NAA15: variants seen among roughly 807,000 people sequenced by gnomAD.
The protein encoded by NAA15 is N-terminal acetyltransferase.
A neutral mutation model predicts 114.0 loss-of-function variants in NAA15; 34 were observed. The ratio of observed to expected loss-of-function variants is 0.30; its 90% CI spans 0.23 to 0.40. The LOEUF is 0.40. Ranked by LOEUF, NAA15 falls within the 10% of genes least tolerant of loss-of-function variation. The pLI, the probability that NAA15 is intolerant of heterozygous loss-of-function variation, is 1.00. For synonymous variants in NAA15, 340 were observed against 338.0 expected (o/e 1.01, Z -0.06); for missense variants, 658 against 1,004.5 (o/e 0.66, Z 4.66).
At chr4:139,357,728 C>T (rs1748001592) in intron 11 of NAA15, among the ~76,000 whole-genome samples, 173 bp downstream of exon 11, 1 of 152,128 alleles carries the variant, frequency 6.6e-6, no homozygotes, top group Non-Finnish European at 1.5e-5. Context: ...TGTGGTCATG[C>T]TAATTTGGTG....
At chr4:139,364,055 T>C (rs896866619) in intron 14 of NAA15, among the ~76,000 whole-genome samples, 3 of 152,180 alleles carry the variant, frequency 2.0e-5, no homozygotes, top group African/African-American at 4.8e-5. Context: ...TAATTTATTT[T>C]TGTAGAGACA....
intron 13 of NAA15, among the ~76,000 whole-genome samples, chr4:139,361,087 C>T (rs907759368): frequency 6.6e-6 from 1 of 152,130 alleles, no homozygotes; most frequent in African/African-American, 2.4e-5. Flanking sequence ...TAATTCTCTT[C>T]ACGTCTGACT....
At chr4:139,378,101 A>T (rs978583678) in intron 16 of NAA15, among the ~76,000 whole-genome samples, 3 of 152,162 alleles carry the variant, frequency 2.0e-5, no homozygotes, top group Admixed American at 2.0e-4. Context: ...TTGAACTTTG[A>T]CATTGGGAAA....
At chr4:139,342,559 C>T (rs540383278) in intron 4 of NAA15, among the ~76,000 whole-genome samples, 8 of 148,434 alleles carry the variant, frequency 5.4e-5, no homozygotes, top group Admixed American at 1.3e-4. Flanking sequence ...AAGTGATTCT[C>T]CCGCCTCAGC....
At position 139,308,812 on chromosome 4, in the gene NAA15, C is replaced by T. The variant is rs148150698; in HGVS notation, c.54+6981C>T. Among the ~76,000 whole-genome samples, 1,061 of 152,052 alleles carry T rather than the reference C, an allele frequency of 7.0e-3. 12 individuals are homozygous for T. The highest frequency in any genetic ancestry group is 0.019 in the African/African-American group (786 of 41,524). ...TATATTTTTAGTACAGACAGGGTTT[C>T]GCCATGTTGGCGAGGCTGGTCTCAG... On this transcript the variant is annotated intron_variant, in intron 1 of 19. Transcript: ENST00000296543.
rs1749043364 is a variant in NAA15, at chr4:139,390,936, G to A, written c.*2852G>A. 3.3e-5 allele frequency: 5 copies of A among 152,188 alleles called. No homozygotes were observed. In the South Asian group the frequency reaches 1.0e-3, roughly 32 times the overall value. The allele number at this position is 152,188 out of a possible 1,614,324, so 9.4% of individuals were successfully genotyped here. On this transcript the variant is annotated 3_prime_UTR_variant, in exon 20 of 20. Coordinates refer to ENST00000296543, the MANE Select transcript of NAA15 (RefSeq NM_057175.5). ...TGACTTTATGAAGAGATCAAAAAAA[G>A]TGTGGTCCAGATTCAGGTAGGTTGT...
At position 139,359,736 on chromosome 4, in the gene NAA15, T is replaced by G; in HGVS notation, c.1258-7T>G. 6.3e-7 allele frequency: 1 copy of G among 1,599,294 alleles called. No individual in the cohort carries two copies. The highest frequency in any genetic ancestry group is 8.5e-7 in the Non-Finnish European group (1 of 1,176,652). ...AACTGGTTTATTTTGCTTTTGTACCTTATAAGCATGCTGGAAATATTAAAG... is the reference window on the plus strand; with the variant it reads ...AACTGGTTTATTTTGCTTTTGTACCGTATAAGCATGCTGGAAATATTAAAG... On this transcript the variant is annotated splice_polypyrimidine_tract_variant and splice_region_variant and intron_variant, in intron 11 of 19. Transcript: ENST00000296543.
intron 1 of NAA15, 107 bp from the exon 2 acceptor site, chr4:139,334,067 T>C (rs1747118631): frequency 1.4e-6 from 1 of 694,054 alleles, no homozygotes; most frequent in East Asian, 2.9e-5. Context: ...TAGAAGCATA[T>C]GGAAATAGCA....
intron 1 of NAA15, among the ~76,000 whole-genome samples, chr4:139,314,844 A>G (rs2110844692): frequency 6.6e-6 from 1 of 151,764 alleles, no homozygotes; most frequent in East Asian, 1.9e-4. Context: ...TGCCCAGCAA[A>G]TTTTTGTATT....
At chr4:139,359,983 C>T in intron 12 of NAA15, 88 bp downstream of exon 12, 2 of 1,321,356 alleles carry the variant, frequency 1.5e-6, no homozygotes, top group East Asian at 2.7e-5. Context: ...CAAAGTTTGT[C>T]TTTAATATTT....
chr4:139,304,642 T>A (rs888033472), intron 1 of NAA15, among the ~76,000 whole-genome samples: 16 of 152,168 alleles, frequency 1.1e-4, no homozygotes, highest in Non-Finnish European at 1.0e-4. Context: ...AAAATTTGTA[T>A]TTTTTATTGT....
chr4:139,316,180 C>T (rs1175823800), intron 1 of NAA15, among the ~76,000 whole-genome samples: 3 of 151,726 alleles, frequency 2.0e-5, no homozygotes, highest in Admixed American at 6.6e-5. Flanking sequence ...CTCAGGAATG[C>T]TTGTGAAACA....
intron 1 of NAA15, among the ~76,000 whole-genome samples, chr4:139,305,536 GTTGT>G (rs1745982884): frequency 7.0e-6 from 1 of 141,858 alleles, no homozygotes; most frequent in African/African-American, 2.8e-5. Flanking sequence ...TTGGTAACTT[GTTGT>G]TTTTTTTTTT....
chr4:139,356,899 T>C (rs952700866), intron 10 of NAA15, among the ~76,000 whole-genome samples: 5 of 146,626 alleles, frequency 3.4e-5, no homozygotes, highest in African/African-American at 1.3e-4. Flanking sequence ...ATTAAGAATA[T>C]AATCACCAAA....
rs1216817845 is a variant in NAA15 at position 139,380,090 on chromosome 4, CTT to C, written c.2155+1237_2155+1238del. Among the ~76,000 whole-genome samples, 6 of 152,280 alleles carry C rather than the reference CTT, an allele frequency of 3.9e-5. No homozygotes were observed. In the East Asian group the frequency reaches 1.2e-3, roughly 29 times the overall value. ...GTTTTGACTTTCCAGAAAGATTAGACTTAAATTATACTACGCTTGTCCAAAAA... is the reference window on the plus strand; with the variant it reads ...GTTTTGACTTTCCAGAAAGATTAGACAAATTATACTACGCTTGTCCAAAAA... On this transcript the variant is annotated intron_variant, in intron 17 of 19. Coordinates refer to ENST00000296543, the MANE Select transcript of NAA15 (RefSeq NM_057175.5).
At chr4:139,360,000 C>A in intron 12 of NAA15, 105 bp downstream of exon 12, 2 of 1,005,418 alleles carry the variant, frequency 2.0e-6, no homozygotes, top group Non-Finnish European at 2.8e-6. Context: ...ATTTTTGACA[C>A]CGTAATAGCC....
intron 3 of NAA15, among the ~76,000 whole-genome samples, chr4:139,340,059 T>C (rs906742948): frequency 6.6e-6 from 1 of 152,142 alleles, no homozygotes; most frequent in Non-Finnish European, 1.5e-5. Flanking sequence ...TGGGAGCTTA[T>C]GCCTGTAATC....
At position 139,349,464 on chromosome 4, in the gene NAA15, G is replaced by T; in HGVS notation, c.694G>T (p.Glu232Ter). 6.3e-7 allele frequency: 1 copy of T among 1,577,632 alleles called. No individual in the cohort carries two copies. Among genetic ancestry groups the T allele is most frequent in the Non-Finnish European group, 8.6e-7 (1 of 1,167,610 alleles). ...TTTTTTTTTCTGTTTTTAATCAGGGGAACTTCTGTTGCAACTATGTCGTTT... is the reference window on the plus strand; with the variant it reads ...TTTTTTTTTCTGTTTTTAATCAGGGTAACTTCTGTTGCAACTATGTCGTTT... Reference protein sequence around the residue: ...DKLAVEETKGELLLQLCRLED... With the variant: ...DKLAVEETKG The change falls in exon 7 of 20, where the codon GAA becomes TAA. Residue 232 changes from glutamate (E) to a stop codon, truncating the protein, a stop_gained and splice_region_variant. Coordinates refer to ENST00000296543, the MANE Select transcript of NAA15 (RefSeq NM_057175.5). LOFTEE classifies it high-confidence loss of function.
chr4:139,309,979 CA>C (rs1251164544), intron 1 of NAA15, among the ~76,000 whole-genome samples: 2 of 151,984 alleles, frequency 1.3e-5, no homozygotes, highest in Non-Finnish European at 2.9e-5. Context: ...GGTTAATGAA[CA>C]GTTTCCAGAG....
Sources: allele counts gnomAD v4.1 joint callset (sites outside exome capture counted in the v4.1 genomes callset), GRCh38; gene constraint gnomAD v4.1.1; transcripts MANE v1.5; gene names NCBI Gene and HGNC (gene_info 2026-07-23, HGNC 2026-07-21).